PHF21A: variants seen among roughly 807,000 people sequenced by gnomAD.
PHF21A encodes the protein PHD finger protein 21A, also known as BHC80a.
Under a neutral mutation model 82.5 loss-of-function variants are expected in PHF21A, and 11 were observed. The ratio of observed to expected loss-of-function variants is 0.13; its 90% CI spans 0.08 to 0.22. The LOEUF (loss-of-function observed/expected upper bound fraction) is 0.22. Ranked by LOEUF, PHF21A falls within the 10% of genes least tolerant of loss-of-function variation. The pLI, the probability that PHF21A is intolerant of heterozygous loss-of-function variation, is 1.00. For synonymous variants in PHF21A, 297 were observed against 302.8 expected (o/e 0.98, Z 0.20); for missense variants, 579 against 837.8 (o/e 0.69, Z 3.81).
chr11:45,978,904 T>C (rs920279503), intron 7 of PHF21A, among the ~76,000 whole-genome samples: 13 of 152,170 alleles, frequency 8.5e-5, no homozygotes, highest in African/African-American at 3.1e-4. Context: ...ATTTCTTTAG[T>C]TTTGACCTGT....
intron 6 of PHF21A, among the ~76,000 whole-genome samples, chr11:46,036,218 T>C (rs906065798): frequency 3.1e-4 from 47 of 152,322 alleles, no homozygotes; most frequent in African/African-American, 1.1e-3. Context: ...GGCTTTTTTA[T>C]TGTGGTAGAC....
chr11:46,105,594 CCTT>C (rs1387047634), intron 1 of PHF21A, among the ~76,000 whole-genome samples: 5 of 152,050 alleles, frequency 3.3e-5, no homozygotes, highest in African/African-American at 9.7e-5. Context: ...TTCCATCACC[CCTT>C]CTTCTTCCCA....
chr11:46,036,761 C>T (rs2096012708), intron 6 of PHF21A, among the ~76,000 whole-genome samples: 1 of 152,126 alleles, frequency 6.6e-6, no homozygotes, highest in Admixed American at 6.5e-5. Context: ...GGACATCTTA[C>T]TATTATTATT....
intron 6 of PHF21A, among the ~76,000 whole-genome samples, chr11:45,990,237 G>A (rs1038152080): frequency 1.4e-5 from 2 of 143,278 alleles, no homozygotes; most frequent in Non-Finnish European, 3.0e-5. Flanking sequence ...ATCATTTATA[G>A]CATTTTCATC....
At chr11:46,057,570 G>T (rs910247708) in intron 6 of PHF21A, among the ~76,000 whole-genome samples, 2 of 152,132 alleles carry the variant, frequency 1.3e-5, no homozygotes, top group African/African-American at 2.4e-5. Context: ...AAAAAAGAAA[G>T]AGAGTTGGTA....
chr11:45,997,978 C>T lies in PHF21A; in HGVS notation c.154-18012G>A, dbSNP rs191163495. On this transcript the variant is annotated intron_variant, in intron 6 of 18. Transcript: ENST00000676320. ...ACAGGTCACCTCTGAACACTGGGCTCGTAAGGAGGATGGCAGCACAGTTTT... is the reference window on the plus strand; with the variant it reads ...ACAGGTCACCTCTGAACACTGGGCTTGTAAGGAGGATGGCAGCACAGTTTT... Among the ~76,000 whole-genome samples the T allele has an allele frequency of 5.9e-5, 9 of 152,178 alleles. 1 individual carries two copies. The South Asian group carries it at 6.2e-4, about 11-fold the overall frequency.
chr11:46,093,061 T>G (rs1469471975), intron 1 of PHF21A, among the ~76,000 whole-genome samples: 1 of 152,226 alleles, frequency 6.6e-6, no homozygotes, highest in African/African-American at 2.4e-5. Context: ...TGGCCACATC[T>G]TACCACTTTA....
At chr11:45,948,209 C>T (rs1376957125) in intron 14 of PHF21A, among the ~76,000 whole-genome samples, 1 of 152,160 alleles carries the variant, frequency 6.6e-6, no homozygotes, top group Non-Finnish European at 1.5e-5. Flanking sequence ...GCTGTTAAGA[C>T]CTATTTAGAC....
At chr11:46,038,434 A>G (rs78216584) in intron 6 of PHF21A, among the ~76,000 whole-genome samples, 1 of 152,196 alleles carries the variant, frequency 6.6e-6, no homozygotes, top group African/African-American at 2.4e-5. Context: ...GGCCCATTTC[A>G]TTCTTTCAAT....
At chr11:45,934,959 C>T (rs949310268) in intron 18 of PHF21A, 51 of 456,448 alleles carry the variant, frequency 1.1e-4, no homozygotes, top group South Asian at 8.2e-4. Flanking sequence ...AAGTACAAGG[C>T]ACCACCTGGT....
At chr11:45,958,206 G>A (rs1211583906) in intron 10 of PHF21A, among the ~76,000 whole-genome samples, 1 of 150,606 alleles carries the variant, frequency 6.6e-6, no homozygotes, top group Non-Finnish European at 1.5e-5. Flanking sequence ...GCACCAATCT[G>A]TCTCAAATTC....
chr11:46,059,241 G>T (rs2096500626), intron 6 of PHF21A, among the ~76,000 whole-genome samples: 1 of 151,988 alleles, frequency 6.6e-6, no homozygotes, highest in Admixed American at 6.6e-5. Context: ...TAATTTAAAC[G>T]TCTAAAAATA....
chr11:46,059,626 T>C (rs1403789747), intron 6 of PHF21A, among the ~76,000 whole-genome samples: 1 of 152,014 alleles, frequency 6.6e-6, no homozygotes, highest in Non-Finnish European at 1.5e-5. Context: ...GATGTTGCCA[T>C]GGTGCCTAGG....
chr11:46,055,371 T>G (rs911819410), intron 6 of PHF21A, among the ~76,000 whole-genome samples: 6 of 152,166 alleles, frequency 3.9e-5, no homozygotes, highest in African/African-American at 1.4e-4. Context: ...GAAACAAGTT[T>G]GGAAACAAAC....
rs190257488 is a variant in PHF21A, at chr11:46,074,770, T to C, written c.153+1984A>G. Among the ~76,000 whole-genome samples, 975 of 152,352 alleles carry C rather than the reference T, an allele frequency of 6.4e-3. 9 individuals carry two copies. The highest frequency in any genetic ancestry group is 0.025 in the South Asian group (119 of 4,830). On this transcript the variant is annotated intron_variant, in intron 6 of 18. Transcript: ENST00000676320. ...CACCCACCTTGGCCTCCCAAAGTGC[T>C]GGGATTACAGGCGTGAGCCACCGTG...
chr11:45,953,535 T>C lies in PHF21A; in HGVS notation c.1087A>G (p.Asn363Asp). ...PAAPKPKREE[N>D]PQKLAFMVSL... ...TGGAAACATAGGCCTACCTGAGGGT[T>C]CTCCTCCCGTTTTGGTTTGGGTGCA... Residue 363 changes from asparagine (N) to aspartate (D), a missense_variant, in exon 11 of 19, where the codon AAC (asparagine) becomes GAC (aspartate). Coordinates refer to ENST00000676320, the MANE Select transcript of PHF21A (RefSeq NM_001352027.3). 1 of 1,609,722 alleles carries C rather than the reference T, an allele frequency of 6.2e-7. No homozygotes were observed. Among genetic ancestry groups the C allele is most frequent in the South Asian group, 1.1e-5 (1 of 90,978 alleles).
At chr11:45,990,034 A>G (rs1230463553) in intron 6 of PHF21A, among the ~76,000 whole-genome samples, 1 of 152,102 alleles carries the variant, frequency 6.6e-6, no homozygotes, top group South Asian at 2.1e-4. Context: ...AATTTTTTAA[A>G]TCTTAAGCCT....
chr11:46,009,266 G>A (rs891537444), intron 6 of PHF21A, among the ~76,000 whole-genome samples: 2 of 152,164 alleles, frequency 1.3e-5, no homozygotes, highest in South Asian at 2.1e-4. Flanking sequence ...GAGCCACTGC[G>A]CCCGGCCATT....
At chr11:46,032,045 A>C (rs191695337) in intron 6 of PHF21A, among the ~76,000 whole-genome samples, 17 of 152,316 alleles carry the variant, frequency 1.1e-4, no homozygotes, top group Admixed American at 9.2e-4. Flanking sequence ...CCCAACTCTT[A>C]AGTGCTGCTT....
Sources: gnomAD v4.1 joint callset for allele counts (sites outside exome capture counted in the v4.1 genomes callset) on GRCh38, gnomAD v4.1.1 for gene constraint, MANE v1.5 for transcripts, NCBI Gene and HGNC (gene_info 2026-07-23, HGNC 2026-07-21) for gene names.